Variants in TMEM131 observed in about 807,000 individuals in gnomAD.
TMEM131 encodes 2610524E03Rik.
TMEM131 carries 66 observed loss-of-function variants against 211.6 expected under a neutral mutation model. The ratio of observed to expected loss-of-function variants is 0.31; its 90% CI spans 0.26 to 0.38. The LOEUF (loss-of-function observed/expected upper bound fraction) is 0.38. Among genes scored for constraint, TMEM131 ranks in the 10% least tolerant of loss-of-function variants. The pLI is 1.00. For missense variants in TMEM131, 2,036 were observed against 2,299.3 expected, an observed-to-expected ratio of 0.89 and a Z score of 2.34; for synonymous variants, 844 against 841.3, an observed-to-expected ratio of 1.00 and a Z score of -0.06.
At chr2:97,959,992 G>A (rs1678746329) in intron 1 of TMEM131, among the ~76,000 whole-genome samples, 1 of 152,002 alleles carries the variant, frequency 6.6e-6, no homozygotes, top group South Asian at 2.1e-4. Context: ...TAGATTCAGG[G>A]CAAATATTTT....
At chr2:97,821,527 C>G (rs1406943579) in intron 11 of TMEM131, among the ~76,000 whole-genome samples, 1 of 152,192 alleles carries the variant, frequency 6.6e-6, no homozygotes, top group Non-Finnish European at 1.5e-5. Context: ...TCTGCACTAC[C>G]TTTATGAGCT....
At chr2:97,983,568 T>C (rs1679894919) in intron 1 of TMEM131, among the ~76,000 whole-genome samples, 1 of 152,184 alleles carries the variant, frequency 6.6e-6, no homozygotes, top group Non-Finnish European at 1.5e-5. Flanking sequence ...AACTGAAGCC[T>C]GTCAGTAACA....
chr2:97,828,883 C>T (rs951092686), intron 11 of TMEM131, among the ~76,000 whole-genome samples: 4 of 152,212 alleles, frequency 2.6e-5, no homozygotes, highest in Non-Finnish European at 5.9e-5. Flanking sequence ...TGCTATTACT[C>T]GCCTTTGGGC....
chr2:97,826,604 G>A (rs1682396648), intron 11 of TMEM131, among the ~76,000 whole-genome samples: 1 of 135,488 alleles, frequency 7.4e-6, no homozygotes, highest in Non-Finnish European at 1.7e-5. Context: ...CAGAGACAAA[G>A]AGGAAGTCAG....
chr2:97,907,690 A>G (rs1676130059), intron 3 of TMEM131, among the ~76,000 whole-genome samples: 1 of 152,202 alleles, frequency 6.6e-6, no homozygotes, highest in South Asian at 2.1e-4. Context: ...TCATTTAAGG[A>G]ATAAATATAC....
At chr2:97,965,940 T>C (rs905557567) in intron 1 of TMEM131, among the ~76,000 whole-genome samples, 2 of 151,768 alleles carry the variant, frequency 1.3e-5, no homozygotes, top group African/African-American at 4.8e-5. Context: ...AGCTAAAAAT[T>C]TGAGTAGAAA....
Position 97,840,460 on chromosome 2 carries a change from C to T in TMEM131, c.723+1355G>A, listed in dbSNP as rs189090696. Among the ~76,000 whole-genome samples, 32 of 152,318 alleles carry T rather than the reference C, an allele frequency of 2.1e-4. 1 individual carries two copies. The highest frequency in any genetic ancestry group is 1.8e-3 in the Admixed American group (27 of 15,300). On this transcript the variant is annotated intron_variant, in intron 7 of 40. Transcript: ENST00000186436. ...GAGTAAGAGGCCAGGCACAGTGGCA[C>T]ATGCCTGTCATCTCGGCACTTTGGG...
rs76191347 is a variant in TMEM131 at position 97,934,273 on chromosome 2, C to T, written c.188-6786G>A. Among the ~76,000 whole-genome samples the T allele has an allele frequency of 3.2e-3, 488 of 152,198 alleles. 6 individuals are homozygous for T. In the East Asian group the frequency reaches 0.04, roughly 13 times the overall value. On this transcript the variant is annotated intron_variant, in intron 1 of 40. Coordinates refer to ENST00000186436, the MANE Select transcript of TMEM131 (RefSeq NM_015348.2). ...AAAATGCCATTTACAACGCCATTTA[C>T]GACTCCAAATAAAATGAAGTACCTC...
chr2:97,892,189 C>T (rs191450992), intron 3 of TMEM131, among the ~76,000 whole-genome samples: 3 of 152,156 alleles, frequency 2.0e-5, no homozygotes, highest in African/African-American at 7.2e-5. Flanking sequence ...CTTTTGTAAA[C>T]GTCTGTGGAA....
At chr2:97,945,106 T>C (rs1194929707) in intron 1 of TMEM131, among the ~76,000 whole-genome samples, 1 of 152,114 alleles carries the variant, frequency 6.6e-6, no homozygotes, top group Non-Finnish European at 1.5e-5. Context: ...ATGTGGTAAA[T>C]CCATTTAATG....
chr2:97,811,730 T>C (rs1236247140), intron 17 of TMEM131, among the ~76,000 whole-genome samples: 2 of 152,242 alleles, frequency 1.3e-5, no homozygotes, highest in African/African-American at 2.4e-5. Flanking sequence ...ACACTCTCTG[T>C]GTATAAGGAC....
Position 97,805,325 on chromosome 2 carries a change from G to T in TMEM131, c.2284+51C>A. 9 of 1,590,878 alleles carry T rather than the reference G, an allele frequency of 5.7e-6. No homozygotes were observed. In the South Asian group the frequency reaches 1.0e-4, roughly 18 times the overall value. On this transcript the variant is annotated intron_variant, in intron 21 of 40. Transcript: ENST00000186436. ...TAAAAGTGGCGGCCTCTTACTAAAA[G>T]AGTATTTTGGGGGAAGTGAAGACAT...
chr2:97,950,378 A>C (rs1202756960), intron 1 of TMEM131, among the ~76,000 whole-genome samples: 1 of 152,074 alleles, frequency 6.6e-6, no homozygotes, highest in East Asian at 1.9e-4. Flanking sequence ...ATTTAAAAAC[A>C]GTCAAAGTTT....
At chr2:97,808,383 T>C (rs1681405934) in intron 19 of TMEM131, among the ~76,000 whole-genome samples, 1 of 152,212 alleles carries the variant, frequency 6.6e-6, no homozygotes, top group South Asian at 2.1e-4. Context: ...CACTTTTACA[T>C]CTGCCCTGGT....
At chr2:97,982,427 T>C (rs1456531274) in intron 1 of TMEM131, among the ~76,000 whole-genome samples, 1 of 152,252 alleles carries the variant, frequency 6.6e-6, no homozygotes, top group East Asian at 1.9e-4. Context: ...CTTTATCAGA[T>C]ACATGATTTG....
intron 33 of TMEM131, among the ~76,000 whole-genome samples, chr2:97,771,120 C>A (rs1368751990): frequency 6.6e-6 from 1 of 152,094 alleles, no homozygotes; most frequent in African/African-American, 2.4e-5. Context: ...CCACCTGATA[C>A]CACTCTGCTT....
At chr2:97,834,541 T>C in intron 10 of TMEM131, 80 bp downstream of exon 10, 2 of 1,025,864 alleles carry the variant, frequency 1.9e-6, no homozygotes, top group Non-Finnish European at 1.4e-6. Context: ...CTGAATTACA[T>C]AGTAGAGCCA....
intron 11 of TMEM131, among the ~76,000 whole-genome samples, chr2:97,819,307 TC>T (rs1681999105): frequency 6.6e-6 from 1 of 152,242 alleles, no homozygotes; most frequent in African/African-American, 2.4e-5. Flanking sequence ...ACAGGGATGT[TC>T]AGCTTGAAGC....
chr2:97,812,227 T>C (rs1681579930), intron 17 of TMEM131, among the ~76,000 whole-genome samples, 194 bp downstream of exon 17: 1 of 152,212 alleles, frequency 6.6e-6, no homozygotes, highest in Non-Finnish European at 1.5e-5. Context: ...ATTAAACCCC[T>C]TTGGGTTTCA....
Sources: gnomAD v4.1 joint callset for allele counts (sites outside exome capture counted in the v4.1 genomes callset) on GRCh38, gnomAD v4.1.1 for gene constraint, MANE v1.5 for transcripts, NCBI Gene and HGNC (gene_info 2026-07-23, HGNC 2026-07-21) for gene names.